The following VTI1A variants were observed in gnomAD, a reference collection of about 807,000 sequenced individuals.
The protein encoded by VTI1A is vesicle transport through interaction with t-SNAREs 1A.
Under a neutral mutation model 34.9 loss-of-function variants are expected in VTI1A, and 22 were observed. That is an observed-to-expected ratio of 0.63 (90% CI 0.45 to 0.90). The LOEUF (loss-of-function observed/expected upper bound fraction) is 0.90, where lower values mean the gene tolerates loss of function less well. Among genes scored for constraint, VTI1A ranks in the 40% least tolerant of loss-of-function variants. The pLI, the probability that VTI1A is intolerant of heterozygous loss-of-function variation, is 0.00. For synonymous variants in VTI1A, 87 were observed against 97.3 expected (o/e 0.89, Z 0.62); for missense variants, 268 against 275.6 (o/e 0.97, Z 0.20).
chr10:112,596,647 A>G (rs1474541113), intron 5 of VTI1A, among the ~76,000 whole-genome samples: 2 of 152,176 alleles, frequency 1.3e-5, no homozygotes, highest in Admixed American at 1.3e-4. Context: ...ACACTACCAT[A>G]GTTTAATTTT....
At chr10:112,697,399 C>CTTTTCTTT (rs745391297) in intron 7 of VTI1A, among the ~76,000 whole-genome samples, 3 of 114,042 alleles carry the variant, frequency 2.6e-5, no homozygotes, top group East Asian at 2.6e-4. Flanking sequence ...CTTTTCTTTT[C>CTTTTCTTT]TTTTTTTTTT....
At chr10:112,845,502 A>G in the VTI1A span, among the ~76,000 whole-genome samples, 1 of 152,170 alleles carries the variant, frequency 6.6e-6, no homozygotes, top group Non-Finnish European at 1.5e-5. Context: ...AAATGCTTTC[A>G]GAACTAACTT....
chr10:112,615,479 G>C (rs1250143047), intron 5 of VTI1A, among the ~76,000 whole-genome samples: 1 of 152,146 alleles, frequency 6.6e-6, no homozygotes. Flanking sequence ...ACATATTTTT[G>C]AGGCCCTATT....
At chr10:112,484,672 AT>A (rs1358288456) in intron 3 of VTI1A, among the ~76,000 whole-genome samples, 1 of 152,028 alleles carries the variant, frequency 6.6e-6, no homozygotes, top group Non-Finnish European at 1.5e-5. Flanking sequence ...TGGGTCATCT[AT>A]TTTTTGTAGT....
chr10:112,643,748 A>T (rs1359829288), intron 5 of VTI1A, among the ~76,000 whole-genome samples: 2 of 152,230 alleles, frequency 1.3e-5, no homozygotes, highest in Non-Finnish European at 2.9e-5. Flanking sequence ...ATTAATGTAC[A>T]CACCTCCATT....
chr10:112,854,506 G>GGCA, the VTI1A span, among the ~76,000 whole-genome samples: 292 of 152,196 alleles, frequency 1.9e-3, no homozygotes, highest in Middle Eastern at 6.8e-3. Context: ...TCACCAGCTG[G>GGCA]GCCCCGGCCG....
At chr10:112,535,420 G>A (rs1055821122) in intron 4 of VTI1A, among the ~76,000 whole-genome samples, 1 of 152,072 alleles carries the variant, frequency 6.6e-6, no homozygotes, top group African/African-American at 2.4e-5. Flanking sequence ...TTCTTAACTT[G>A]CAACTGTGCT....
At chr10:112,643,948 A>G (rs2133785246) in intron 5 of VTI1A, among the ~76,000 whole-genome samples, 1 of 152,112 alleles carries the variant, frequency 6.6e-6, no homozygotes, top group East Asian at 1.9e-4. Context: ...GAAACACCGT[A>G]TATTTTATGA....
At chr10:112,697,838 A>T (rs990223402) in intron 7 of VTI1A, among the ~76,000 whole-genome samples, 1 of 148,470 alleles carries the variant, frequency 6.7e-6, no homozygotes, top group African/African-American at 2.5e-5. Context: ...AGCTGCCTGA[A>T]ATTTTGTTTC....
In VTI1A at chr10:112,815,874, C is replaced by T. The variant is rs1853507338; in HGVS notation, c.*491C>T. On this transcript the variant is annotated 3_prime_UTR_variant, in exon 8 of 8. Transcript: ENST00000393077. The stretch of plus-strand genomic sequence containing the variant: ...AAGCCAGCCCTGTTCCTACACAGGC[C>T]TCATGAATATAGTCATCAACCTGCC... 1 of 234,858 alleles carries T rather than the reference C, an allele frequency of 4.3e-6. No individual in the cohort carries two copies. The highest frequency in any genetic ancestry group is 6.0e-5 in the East Asian group (1 of 16,530). 14.5% of individuals were successfully genotyped at this position (234,858 alleles called of 1,614,324 possible).
intron 7 of VTI1A, among the ~76,000 whole-genome samples, chr10:112,741,092 A>C (rs7096588): frequency 0.15 from 22,947 of 152,228 alleles, 3,777 homozygotes; most frequent in African/African-American, 0.4. Flanking sequence ...AATGTCTGGA[A>C]TAACTAATCT....
chr10:112,612,976 A>G (rs369424834), intron 5 of VTI1A, among the ~76,000 whole-genome samples: 4 of 152,134 alleles, frequency 2.6e-5, no homozygotes, highest in Non-Finnish European at 5.9e-5. Flanking sequence ...GAGGTAGGAA[A>G]CAGACCATTT....
At chr10:112,781,885 T>C (rs1160122829) in intron 7 of VTI1A, among the ~76,000 whole-genome samples, 1 of 152,144 alleles carries the variant, frequency 6.6e-6, no homozygotes, top group Middle Eastern at 3.2e-3. Flanking sequence ...TTGTCAGCTC[T>C]GCACTGTGGT....
chr10:112,463,729 G>C (rs997204806), intron 2 of VTI1A, among the ~76,000 whole-genome samples: 3 of 152,054 alleles, frequency 2.0e-5, no homozygotes, highest in African/African-American at 7.2e-5. Flanking sequence ...ATAAAGTATC[G>C]GGAGTTAGGA....
intron 5 of VTI1A, among the ~76,000 whole-genome samples, chr10:112,646,247 A>C (rs1311789401): frequency 6.6e-6 from 1 of 152,182 alleles, no homozygotes; most frequent in Admixed American, 6.5e-5. Flanking sequence ...CCAAAACAAA[A>C]ACTTGGAAGT....
rs1853539124 is a variant in VTI1A at position 112,816,917 on chromosome 10, G to A, written c.*1534G>A. On this transcript the variant is annotated 3_prime_UTR_variant, in exon 8 of 8. Transcript: ENST00000393077. ...TATCGAAACAGGCCAAGGCCTGCAT[G>A]TGTTCGGATAAATCATTTAGTATTG... is the stretch of plus-strand genomic sequence containing the variant. 1 of 230,802 alleles carries A rather than the reference G, an allele frequency of 4.3e-6. No individual in the cohort carries two copies. The highest frequency in any genetic ancestry group is 8.6e-6 in the Non-Finnish European group (1 of 116,634). 14.3% of individuals were successfully genotyped at this position (230,802 alleles called of 1,614,324 possible).
chr10:112,656,496 T>C (rs117735184), intron 5 of VTI1A, among the ~76,000 whole-genome samples: 879 of 146,644 alleles, frequency 6.0e-3, no homozygotes, highest in Admixed American at 1.0e-2. Context: ...TAACTGGGAA[T>C]ACAGGAGCAT....
intron 7 of VTI1A, among the ~76,000 whole-genome samples, chr10:112,696,155 A>G (rs1848780778): frequency 6.6e-6 from 1 of 151,512 alleles, no homozygotes; most frequent in Non-Finnish European, 1.5e-5. Context: ...AGTTTATCTC[A>G]AGGACTGTAT....
intron 5 of VTI1A, among the ~76,000 whole-genome samples, chr10:112,551,243 CAAAAAAAAAAAAAA>C (rs1161935841): frequency 9.1e-5 from 2 of 22,074 alleles, no homozygotes; most frequent in Non-Finnish European, 1.2e-4. Flanking sequence ...TACTCCATCT[CAAAAAAAAAAAAAA>C]AAAAAAAAAA....
Sources: gnomAD v4.1 joint callset for allele counts (sites outside exome capture counted in the v4.1 genomes callset) on GRCh38, gnomAD v4.1.1 for gene constraint, MANE v1.5 for transcripts, NCBI Gene and HGNC (gene_info 2026-07-23, HGNC 2026-07-21) for gene names.